Variants in SPEN observed in about 807,000 individuals in gnomAD.
The protein encoded by SPEN is spen family transcriptional repressor, also known as msx2-interacting protein.
In SPEN, 18 loss-of-function variants were observed where a neutral mutation model predicts 269.9. That is an observed-to-expected ratio of 0.07 (90% CI 0.05 to 0.10). SPEN has a LOEUF of 0.10. SPEN is among the 10% of genes least tolerant of loss of function. The pLI is 1.00. For synonymous variants in SPEN, 1,726 were observed against 1,765.7 expected (o/e 0.98, Z 0.56); for missense variants, 3,822 against 4,631.2 (o/e 0.83, Z 5.07).
intron 3 of SPEN, among the ~76,000 whole-genome samples, chr1:15,904,919 G>C (rs189332995): frequency 1.7e-4 from 24 of 142,020 alleles, no homozygotes; most frequent in Non-Finnish European, 3.5e-4. Flanking sequence ...ACGGAGTTTC[G>C]CCCTTATTGC....
intron 10 of SPEN, among the ~76,000 whole-genome samples, chr1:15,927,618 G>A (rs943396322): frequency 6.6e-6 from 1 of 152,144 alleles, no homozygotes; most frequent in Non-Finnish European, 1.5e-5. Context: ...AGGTAGGAGT[G>A]TGGGGATATT....
At chr1:15,913,749 A>AGCCAGGCT (rs2071032528) in intron 5 of SPEN, among the ~76,000 whole-genome samples, 1 of 151,998 alleles carries the variant, frequency 6.6e-6, no homozygotes, top group Middle Eastern at 3.2e-3. Context: ...TCAGCCAGGT[A>AGCCAGGCT]GCCAGGCTGA....
In SPEN at chr1:15,938,017, C is replaced by T. The variant is rs980148459; in HGVS notation, c.10704+11C>T. 34 of 1,589,822 alleles carry T rather than the reference C, an allele frequency of 2.1e-5. No homozygotes were observed. The highest frequency in any genetic ancestry group is 2.6e-5 in the Non-Finnish European group (30 of 1,168,708). The stretch of plus-strand genomic sequence containing the variant: ...GCCCGAAGGATGACGGTAAGACTCT[C>T]AGGCCCAGGTGAGCAACTGCCCCAC... On this transcript the variant is annotated intron_variant, in intron 13 of 14. Transcript: ENST00000375759.
intron 10 of SPEN, among the ~76,000 whole-genome samples, chr1:15,922,858 C>T (rs1227823679): frequency 2.0e-5 from 3 of 152,136 alleles, no homozygotes; most frequent in African/African-American, 7.2e-5. Flanking sequence ...AAGCATTCTG[C>T]CCGCTTTGGC....
chr1:15,850,484 A>G (rs1357375804), intron 1 of SPEN, among the ~76,000 whole-genome samples: 1 of 152,056 alleles, frequency 6.6e-6, no homozygotes, highest in East Asian at 1.9e-4. Context: ...TGTGAAAGGT[A>G]TACAGAGAAA....
chr1:15,934,874 G>A lies in SPEN; in HGVS notation c.8634G>A (p.Ala2878=), dbSNP rs1394232699. 9 of 1,614,010 alleles carry A rather than the reference G, an allele frequency of 5.6e-6. No individual in the cohort carries two copies. The highest frequency in any genetic ancestry group is 3.3e-5 in the South Asian group (3 of 91,084). ...SKGPQAPAGY[A]NVATHSTLVL... ...GCCCTCAAGCTCCTGCAGGCTATGCGAACGTGGCCACCCATTCCACGTTGG... is the reference window on the plus strand; with the variant it reads ...GCCCTCAAGCTCCTGCAGGCTATGCAAACGTGGCCACCCATTCCACGTTGG... The change falls in exon 11 of 15, where the codon GCG becomes GCA. Residue 2878 remains alanine, a synonymous_variant. Transcript: ENST00000375759. This position sits in a 1 kb window ranked among gnomAD's most constrained non-coding sequence, Gnocchi z 9.2.
chr1:15,937,672 C>T lies in SPEN; in HGVS notation c.10509+27C>T. ...TAAGCATGAGCAGGGGCTGCCCTTC[C>T]TGGCCCCCAAGTTTTATGCCATGTC... is the stretch of plus-strand genomic sequence containing the variant. On this transcript the variant is annotated intron_variant, in intron 12 of 14. Transcript: ENST00000375759. This position sits in a 1 kb window ranked among gnomAD's most constrained non-coding sequence, Gnocchi z 5.7. 8 of 1,607,798 alleles carry T rather than the reference C, an allele frequency of 5.0e-6. No homozygotes were observed. Among genetic ancestry groups the T allele is most frequent in the Non-Finnish European group, 6.8e-6 (8 of 1,175,394 alleles).
Position 15,935,987 on chromosome 1 carries a change from C to CGTCCCTGTCCCT in SPEN, c.9753_9764dup (p.Val3252_Pro3255dup), listed in dbSNP as rs752807690. The CGTCCCTGTCCCT allele has an allele frequency of 1.9e-6, 3 of 1,589,850 alleles. No homozygotes were observed. The highest frequency in any genetic ancestry group is 2.2e-5 in the East Asian group (1 of 44,510). On this transcript the variant is annotated inframe_insertion, in exon 11 of 15. Transcript: ENST00000375759. The surrounding 1 kb of genome is among the most constrained non-coding windows in gnomAD (Gnocchi z 7.7). ...CTGCCCCCACCCCCACCCCTGCCCC[C>CGTCCCTGTCCCT]GTCCCTGTCCCTGTCCCCCTTCCTG...
chr1:15,903,532 C>T (rs1041299920), intron 3 of SPEN, among the ~76,000 whole-genome samples: 8 of 152,134 alleles, frequency 5.3e-5, no homozygotes, highest in Non-Finnish European at 1.0e-4. Context: ...GGACCACAGG[C>T]GCATGCCACC....
chr1:15,889,161 T>C (rs1047019657), intron 3 of SPEN, among the ~76,000 whole-genome samples: 3 of 97,752 alleles, frequency 3.1e-5, no homozygotes, highest in African/African-American at 2.0e-4. Flanking sequence ...TTTCTTTTCT[T>C]TTCTTTTTTT....
intron 9 of SPEN, 21 bp downstream of exon 9, chr1:15,921,004 C>A: frequency 1.3e-6 from 2 of 1,497,152 alleles, no homozygotes; most frequent in Non-Finnish European, 1.9e-6. Flanking sequence ...TGACTTTAAA[C>A]AGAAGCAAAA....
chr1:15,882,026 A>G (rs1411870066), intron 3 of SPEN, among the ~76,000 whole-genome samples: 3 of 152,170 alleles, frequency 2.0e-5, no homozygotes, highest in Non-Finnish European at 4.4e-5. Context: ...TTTGATGAAG[A>G]GATTGCTAGT....
In SPEN at chr1:15,935,659, C is replaced by T. The variant is rs761478249; in HGVS notation, c.9419C>T (p.Pro3140Leu). 1.1e-5 allele frequency: 18 copies of T among 1,613,902 alleles called. No individual in the cohort carries two copies. Among genetic ancestry groups the T allele is most frequent in the African/African-American group, 2.7e-5 (2 of 74,912 alleles). ...AGGGCCCCACAGCGTGCCAGCACCC[C>T]GCAGCCAGCCCCAGCTGGTGTGCCT... ...EVRAPQRASTPQPAPAGVPAL... is the reference protein window; with the variant it reads ...EVRAPQRASTLQPAPAGVPAL... The change falls in exon 11 of 15, where the codon CCG becomes CTG. Residue 3140 changes from proline to leucine, a missense_variant. Pro to Leu is a moderately conservative substitution (Grantham distance 98). Around this residue, in one of 16 missense-constraint regions of SPEN, gnomAD observed 153 missense variants for 228.5 expected, o/e 0.67. Coordinates refer to ENST00000375759, the MANE Select transcript of SPEN (RefSeq NM_015001.3). This position sits in a 1 kb window ranked among gnomAD's most constrained non-coding sequence, Gnocchi z 7.7.
intron 11 of SPEN, 126 bp downstream of exon 11, chr1:15,936,392 G>T: frequency 1.5e-6 from 2 of 1,342,030 alleles, no homozygotes; most frequent in Middle Eastern, 2.1e-4. Context: ...TGTAATCCCA[G>T]CACTGTGGGA....
In SPEN at chr1:15,931,050, C is replaced by A; in HGVS notation, c.4810C>A (p.Pro1604Thr). The A allele has an allele frequency of 6.2e-7, 1 of 1,613,636 alleles. No individual in the cohort carries two copies. Among genetic ancestry groups the A allele is most frequent in the Non-Finnish European group, 8.5e-7 (1 of 1,179,932 alleles). ...GAAAGAAAAAGAAAAAGACCAGAAA[C>A]CCAAAGAGGTTGAGAAACAGGAAGA... The part of the protein sequence containing the change: ...QQKEKEKDQK[P>T]KEVEKQEDTE... The change falls in exon 11 of 15, where the codon CCC (proline) becomes ACC (threonine). Residue 1604 changes from proline (P) to threonine (T), a missense_variant. Pro to Thr is a conservative substitution (Grantham distance 38). Transcript: ENST00000375759. This position sits in a 1 kb window ranked among gnomAD's most constrained non-coding sequence, Gnocchi z 4.8.
In SPEN at chr1:15,934,192, T is replaced by C; in HGVS notation, c.7952T>C (p.Val2651Ala). 1 of 1,614,244 alleles carries C rather than the reference T, an allele frequency of 6.2e-7. No homozygotes were observed. The highest frequency in any genetic ancestry group is 8.5e-7 in the Non-Finnish European group (1 of 1,180,040). ...GCTCCTCAAACCCTCACTGGTCTGG[T>C]GAGCGCACTCACTGGCCTGGTGAAC... ...KPAPQTLTGLVSALTGLVNVS... is the reference protein window; with the variant it reads ...KPAPQTLTGLASALTGLVNVS... The change falls in exon 11 of 15, where the codon GTG becomes GCG. Residue 2651 changes from valine (V) to alanine (A), a missense_variant. Val to Ala is a moderately conservative substitution (Grantham distance 64). Coordinates refer to ENST00000375759, the MANE Select transcript of SPEN (RefSeq NM_015001.3). The surrounding 1 kb of genome is among the most constrained non-coding windows in gnomAD (Gnocchi z 9.2).
intron 13 of SPEN, 87 bp from the exon 14 acceptor site, chr1:15,938,630 GT>G: frequency 2.4e-6 from 3 of 1,245,088 alleles, no homozygotes; most frequent in African/African-American, 1.6e-5. Context: ...AGAGGTGGGG[GT>G]TTTTGTGGAC....
chr1:15,931,534 A>C lies in SPEN; in HGVS notation c.5294A>C (p.Lys1765Thr). 1.9e-6 allele frequency: 3 copies of C among 1,614,168 alleles called. No individual in the cohort carries two copies. Among genetic ancestry groups the C allele is most frequent in the Non-Finnish European group, 2.5e-6 (3 of 1,180,018 alleles). ...STQPLSKPAQ[K>T]SEEANEPKAE... Reference sequence around the variant, plus strand: ...CAGCCACTTTCAAAACCAGCTCAGAAGTCTGAGGAAGCCAATGAGCCAAAG... The same window carrying C: ...CAGCCACTTTCAAAACCAGCTCAGACGTCTGAGGAAGCCAATGAGCCAAAG... Residue 1765 changes from lysine to threonine, a missense_variant, in exon 11 of 15, where the codon AAG (lysine) becomes ACG (threonine). Lys to Thr is a moderately conservative substitution (Grantham distance 78). Coordinates refer to ENST00000375759, the MANE Select transcript of SPEN (RefSeq NM_015001.3). This position sits in a 1 kb window ranked among gnomAD's most constrained non-coding sequence, Gnocchi z 4.8.
rs534048563 is a variant in SPEN at position 15,859,658 on chromosome 1, T to C, written c.83+11508T>C. 1.5e-4 allele frequency among the ~76,000 whole-genome samples: 23 copies of C among 151,994 alleles called. No individual in the cohort carries two copies. In the South Asian group the frequency reaches 1.7e-3, roughly 11 times the overall value. On this transcript the variant is annotated intron_variant, in intron 1 of 14. Transcript: ENST00000375759. ...TGCTGGGATTACAGGCTTGAGCCAC[T>C]GTGCCCGGCCTGAAAAGGAACTTTC...
Sources: allele counts gnomAD v4.1 joint callset (sites outside exome capture counted in the v4.1 genomes callset), GRCh38; gene constraint gnomAD v4.1.1; regional missense constraint gnomAD v4.1.1; non-coding constraint Gnocchi (gnomAD v3.1); transcripts MANE v1.5; gene names NCBI Gene and HGNC (gene_info 2026-07-23, HGNC 2026-07-21).